The following KIF18A variants were observed in gnomAD, a reference collection of about 807,000 sequenced individuals.
KIF18A encodes the protein kinesin-like protein KIF18A.
KIF18A carries 67 observed loss-of-function variants against 103.3 expected under a neutral mutation model. The observed-to-expected ratio is 0.65, with a 90% CI of 0.53 to 0.79. KIF18A has a LOEUF of 0.79. KIF18A is among the 30% of genes least tolerant of loss of function. KIF18A has a pLI of 0.00. For synonymous variants in KIF18A, 367 were observed against 355.5 expected (o/e 1.03, Z -0.36); for missense variants, 1,032 against 1,062.5 (o/e 0.97, Z 0.40).
intron 13 of KIF18A, among the ~76,000 whole-genome samples, chr11:28,056,622 A>G (rs1850783937): frequency 1.3e-5 from 2 of 152,118 alleles, no homozygotes; most frequent in Admixed American, 6.5e-5. Context: ...CCCACTTAAG[A>G]GAAGTAAAAA....
chr11:28,066,796 A>G (rs1850934679), intron 11 of KIF18A, among the ~76,000 whole-genome samples: 1 of 80,014 alleles, frequency 1.2e-5, no homozygotes, highest in African/African-American at 5.7e-5. Flanking sequence ...ATATTATATT[A>G]TATTATATTA....
rs767796975 is a variant in KIF18A, at chr11:28,090,658, C to T, written c.658G>A (p.Asp220Asn). 6 of 1,609,506 alleles carry T rather than the reference C, an allele frequency of 3.7e-6. No homozygotes were observed. Among genetic ancestry groups the T allele is most frequent in the Non-Finnish European group, 5.1e-6 (6 of 1,176,650 alleles). ...GAACGAGAAGATGTGGCATTCATAT[C>T]AGTGGGATGTTGTGTCCTGTTTTTG... ...GNKNRTQHPT[D>N]MNATSSRSHA... The change falls in exon 5 of 17, where the codon GAT becomes AAT. Residue 220 changes from aspartate to asparagine, a missense_variant. Physicochemically the swap from Asp to Asn is conservative, Grantham distance 23 (BLOSUM62 1). Coordinates refer to ENST00000263181, the MANE Select transcript of KIF18A (RefSeq NM_031217.4).
At chr11:28,065,605 CA>C (rs1436435897) in intron 11 of KIF18A, among the ~76,000 whole-genome samples, 3 of 151,736 alleles carry the variant, frequency 2.0e-5, no homozygotes, top group African/African-American at 4.8e-5. Flanking sequence ...ACTAAGTAGA[CA>C]AAAAAGCAAA....
intron 15 of KIF18A, among the ~76,000 whole-genome samples, chr11:28,033,255 T>C (rs1355978656): frequency 6.6e-6 from 1 of 151,656 alleles, no homozygotes; most frequent in African/African-American, 2.4e-5. Flanking sequence ...TGTATACTGT[T>C]CATGGGGATG....
intron 13 of KIF18A, among the ~76,000 whole-genome samples, chr11:28,039,805 T>G (rs1304808323): frequency 6.6e-6 from 1 of 151,766 alleles, no homozygotes; most frequent in Non-Finnish European, 1.5e-5. Context: ...TGGTAGTTAA[T>G]GTGGATTTAC....
At chr11:28,070,642 A>T (rs917958036) in intron 10 of KIF18A, among the ~76,000 whole-genome samples, 2 of 152,240 alleles carry the variant, frequency 1.3e-5, no homozygotes, top group Non-Finnish European at 2.9e-5. Context: ...CAAAAACAAA[A>T]CAAATGTCTC....
intron 6 of KIF18A, among the ~76,000 whole-genome samples, chr11:28,088,160 T>C (rs893777504): frequency 2.0e-5 from 3 of 152,228 alleles, no homozygotes; most frequent in Admixed American, 2.0e-4. Context: ...GAATTTAGTT[T>C]TTAAAAATAT....
At chr11:28,078,081 G>T (rs1851118677) in intron 9 of KIF18A, among the ~76,000 whole-genome samples, 2 of 152,060 alleles carry the variant, frequency 1.3e-5, no homozygotes, top group African/African-American at 4.8e-5. Context: ...TAACAGTGAA[G>T]ACTTTAAAAT....
At chr11:28,073,512 TATTG>T (rs1851050308) in intron 10 of KIF18A, among the ~76,000 whole-genome samples, 1 of 152,140 alleles carries the variant, frequency 6.6e-6, no homozygotes, top group Admixed American at 6.6e-5. Flanking sequence ...TGGGGTTTAA[TATTG>T]GTTCAGCCAC....
At chr11:28,100,073 G>A (rs1851426390) in intron 1 of KIF18A, among the ~76,000 whole-genome samples, 1 of 152,048 alleles carries the variant, frequency 6.6e-6, no homozygotes, top group Non-Finnish European at 1.5e-5. Flanking sequence ...GAGAGAGACA[G>A]GATTGAAGAA....
chr11:28,029,568 A>G (rs1850368526), intron 15 of KIF18A, among the ~76,000 whole-genome samples: 1 of 152,166 alleles, frequency 6.6e-6, no homozygotes, highest in African/African-American at 2.4e-5. Context: ...CCCACAGCCA[A>G]TATCATACTG....
At chr11:28,026,950 A>G (rs1253068427) in intron 15 of KIF18A, among the ~76,000 whole-genome samples, 1 of 151,864 alleles carries the variant, frequency 6.6e-6, no homozygotes, top group African/African-American at 2.4e-5. Context: ...AAAATTTTAA[A>G]TGTCATAGAT....
chr11:28,081,235 G>A (rs564265833), intron 9 of KIF18A, among the ~76,000 whole-genome samples: 2 of 152,206 alleles, frequency 1.3e-5, no homozygotes, highest in Admixed American at 1.3e-4. Context: ...TGATGAAGGT[G>A]GCTACACTAA....
At chr11:28,084,536 A>C in intron 7 of KIF18A, 96 bp downstream of exon 7, 2 of 1,019,064 alleles carry the variant, frequency 2.0e-6, no homozygotes, top group Non-Finnish European at 2.9e-6. Context: ...CTAACTCATT[A>C]TGTAGAAACA....
chr11:28,035,631 A>T (rs536679294), intron 14 of KIF18A, 137 bp from the exon 15 acceptor site: 78 of 439,292 alleles, frequency 1.8e-4, no homozygotes, highest in African/African-American at 1.3e-3. Context: ...TACTGTAAAG[A>T]TTCCCTTGCT....
chr11:28,021,622 T>C (rs1458382073), intron 16 of KIF18A, among the ~76,000 whole-genome samples: 3 of 152,230 alleles, frequency 2.0e-5, no homozygotes, highest in Non-Finnish European at 4.4e-5. Flanking sequence ...CTTTGTTGTA[T>C]CACCATTTTT....
intron 3 of KIF18A, among the ~76,000 whole-genome samples, chr11:28,094,405 T>G (rs577413960): frequency 2.2e-3 from 333 of 152,142 alleles, no homozygotes; most frequent in Non-Finnish European, 3.4e-3. Flanking sequence ...ATGGGGGATC[T>G]GTATGAAGGG....
intron 15 of KIF18A, among the ~76,000 whole-genome samples, chr11:28,027,751 C>A (rs1850339851): frequency 6.6e-6 from 1 of 151,884 alleles, no homozygotes; most frequent in Non-Finnish European, 1.5e-5. Context: ...GGCTTCACTG[C>A]TGATTTTTAC....
chr11:28,044,132 C>A (rs1850598735), intron 13 of KIF18A, among the ~76,000 whole-genome samples: 2 of 151,978 alleles, frequency 1.3e-5, no homozygotes, highest in African/African-American at 4.8e-5. Flanking sequence ...TGCTAGGTAA[C>A]TGCTCCTTTG....
Sources: allele counts gnomAD v4.1 joint callset (sites outside exome capture counted in the v4.1 genomes callset), GRCh38; gene constraint gnomAD v4.1.1; transcripts MANE v1.5; gene names NCBI Gene and HGNC (gene_info 2026-07-23, HGNC 2026-07-21).